PRIM2: variants seen among roughly 807,000 people sequenced by gnomAD.
PRIM2 encodes DNA primase large subunit.
In PRIM2, 39 loss-of-function variants were observed where a neutral mutation model predicts 67.3. That is an observed-to-expected ratio of 0.58 (90% CI 0.45 to 0.76). The LOEUF (loss-of-function observed/expected upper bound fraction) is 0.76. Among genes scored for constraint, PRIM2 ranks in the 30% least tolerant of loss-of-function variants. PRIM2 has a pLI of 0.00. For synonymous variants in PRIM2, 143 were observed against 198.7 expected (o/e 0.72, Z 2.36); for missense variants, 398 against 598.7 (o/e 0.66, Z 3.50).
intron 10 of PRIM2, among the ~76,000 whole-genome samples, chr6:57,577,734 CTT>C (rs1775990107): frequency 1.3e-5 from 2 of 152,080 alleles, no homozygotes; most frequent in Non-Finnish European, 2.9e-5. Flanking sequence ...CAGCCATAAA[CTT>C]TTTATTTGTG....
intron 7 of PRIM2, among the ~76,000 whole-genome samples, chr6:57,475,329 A>G (rs1332149985): frequency 2.0e-5 from 3 of 152,176 alleles, no homozygotes; most frequent in Admixed American, 6.5e-5. Context: ...ATCATCCCCA[A>G]AAGAAACCCT....
chr6:57,429,034 C>G (rs1771731438), intron 7 of PRIM2, among the ~76,000 whole-genome samples: 7 of 152,120 alleles, frequency 4.6e-5, no homozygotes, highest in Non-Finnish European at 1.5e-5. Context: ...ATCTCTGCAG[C>G]CTTGGCAACC....
intron 5 of PRIM2, among the ~76,000 whole-genome samples, chr6:57,341,288 ATAGAG>A (rs1768479303): frequency 6.6e-6 from 1 of 152,166 alleles, no homozygotes; most frequent in Non-Finnish European, 1.5e-5. Context: ...GGAGGTTAGT[ATAGAG>A]TATAGAAAAC....
intron 7 of PRIM2, among the ~76,000 whole-genome samples, chr6:57,457,183 T>C (rs1158489228): frequency 6.6e-6 from 1 of 152,168 alleles, no homozygotes; most frequent in Non-Finnish European, 1.5e-5. Context: ...CTGTGTGAGG[T>C]GTCAGTCTGC....
intron 7 of PRIM2, among the ~76,000 whole-genome samples, chr6:57,425,864 A>T (rs1204325511): frequency 3.3e-5 from 5 of 152,130 alleles, no homozygotes; most frequent in African/African-American, 4.8e-5. Context: ...GTATGGTAAA[A>T]ATAGGTGGAA....
chr6:57,468,151 A>G (rs1228797897), intron 7 of PRIM2, among the ~76,000 whole-genome samples: 1 of 152,152 alleles, frequency 6.6e-6, no homozygotes, highest in Non-Finnish European at 1.5e-5. Context: ...CCTAGCCAAA[A>G]CTTCCAATAC....
upstream of PRIM2, among the ~76,000 whole-genome samples, chr6:57,310,709 G>T (rs1275486680): frequency 6.8e-6 from 1 of 147,282 alleles, no homozygotes; most frequent in Admixed American, 6.8e-5. Flanking sequence ...CCTCCCAGAT[G>T]GGGTGGCCGG....
rs1777130067 is a variant in PRIM2 at position 57,636,815 on chromosome 6, G to A, written c.1299+4614G>A. Among the ~76,000 whole-genome samples, 4 of 152,294 alleles carry A rather than the reference G, an allele frequency of 2.6e-5. No homozygotes were observed. The South Asian group carries it at 8.3e-4, about 32-fold the overall frequency. ...CTGGGATGGGGCACATGGGGGAAGG[G>A]GCAGCTGTGGATGCAGCTTCAGCAG... On this transcript the variant is annotated intron_variant, in intron 13 of 13. Transcript: ENST00000615550.
chr6:57,227,641 C>CAAAAAAAAAAAAAAAAAAAAAAAAAAA, the PRIM2 span, among the ~76,000 whole-genome samples: 1 of 84,080 alleles, frequency 1.2e-5, no homozygotes, highest in Admixed American at 1.4e-4. Flanking sequence ...GAGACCATCT[C>CAAAAAAAAAAAAAAAAAAAAAAAAAAA]AAAAAAAAAA....
intron 5 of PRIM2, among the ~76,000 whole-genome samples, chr6:57,379,583 A>G (rs7739204): frequency 6.6e-6 from 1 of 152,168 alleles, no homozygotes; most frequent in Admixed American, 6.6e-5. Flanking sequence ...TTTAGTCTAT[A>G]TTAACCTGAG....
chr6:57,239,077 G>A, the PRIM2 span, among the ~76,000 whole-genome samples: 1 of 151,910 alleles, frequency 6.6e-6, no homozygotes, highest in Non-Finnish European at 1.5e-5. Flanking sequence ...TGCAACTTCT[G>A]CCTCCTGAGT....
At chr6:57,589,771 C>T (rs1407938114) in intron 10 of PRIM2, among the ~76,000 whole-genome samples, 6 of 152,072 alleles carry the variant, frequency 3.9e-5, no homozygotes, top group African/African-American at 1.4e-4. Flanking sequence ...AGTATTAGAA[C>T]TATAGCGGCA....
chr6:57,495,905 A>G (rs1554346347), intron 7 of PRIM2, among the ~76,000 whole-genome samples: 1 of 151,766 alleles, frequency 6.6e-6, no homozygotes, highest in South Asian at 2.1e-4. Context: ...CACCACACTC[A>G]GCTGATTTTT....
chr6:57,458,816 A>C (rs1210401692), intron 7 of PRIM2, among the ~76,000 whole-genome samples: 12 of 152,076 alleles, frequency 7.9e-5, no homozygotes, highest in Admixed American at 7.9e-4. Flanking sequence ...CAGAATACAC[A>C]CTTTGTCTTC....
intron 12 of PRIM2, among the ~76,000 whole-genome samples, chr6:57,631,047 A>G (rs1398139841): frequency 3.5e-4 from 54 of 152,198 alleles, no homozygotes; most frequent in African/African-American, 9.6e-5. Context: ...CAGAAATGTA[A>G]TCTATAAGAC....
At chr6:57,248,863 G>A in the PRIM2 span, among the ~76,000 whole-genome samples, 1 of 152,222 alleles carries the variant, frequency 6.6e-6, no homozygotes, top group East Asian at 1.9e-4. Flanking sequence ...GAGATAAAAT[G>A]CAATGTTTGA....
At chr6:57,491,190 T>TAGGC (rs1773880996) in intron 7 of PRIM2, among the ~76,000 whole-genome samples, 2 of 152,286 alleles carry the variant, frequency 1.3e-5, no homozygotes, top group African/African-American at 4.8e-5. Context: ...CTAAAATATT[T>TAGGC]TAGAATGATA....
chr6:57,381,685 G>T (rs1458618925), intron 6 of PRIM2, among the ~76,000 whole-genome samples: 10 of 152,130 alleles, frequency 6.6e-5, no homozygotes, highest in Non-Finnish European at 2.9e-5. Flanking sequence ...TACAAAGTGG[G>T]ATATGTGAGG....
intron 7 of PRIM2, among the ~76,000 whole-genome samples, chr6:57,426,646 T>C (rs1562746724): frequency 6.6e-6 from 1 of 152,260 alleles, no homozygotes; most frequent in African/African-American, 2.4e-5. Context: ...GGGGACCAAG[T>C]TGTATTTGCA....
Sources: allele counts gnomAD v4.1 joint callset (sites outside exome capture counted in the v4.1 genomes callset), GRCh38; gene constraint gnomAD v4.1.1; transcripts MANE v1.5; gene names NCBI Gene and HGNC (gene_info 2026-07-23, HGNC 2026-07-21).